The following UNC79 variants were observed in gnomAD, a reference collection of about 807,000 sequenced individuals.
UNC79 encodes the protein unc-79 subunit of NALCN channel complex, also known as protein unc-79 homolog.
UNC79 carries 37 observed loss-of-function variants against 283.1 expected under a neutral mutation model. That is an observed-to-expected ratio of 0.13 (90% CI 0.10 to 0.17). The LOEUF is 0.17. Ranked by LOEUF, UNC79 falls within the 10% of genes least tolerant of loss-of-function variation. UNC79 has a pLI of 1.00. For synonymous variants in UNC79, 1,107 were observed against 1,200.2 expected (o/e 0.92, Z 1.61); for missense variants, 2,272 against 3,211.1 (o/e 0.71, Z 7.07).
chr14:93,588,984 A>C (rs1363844173), intron 22 of UNC79, among the ~76,000 whole-genome samples: 2 of 152,120 alleles, frequency 1.3e-5, no homozygotes, highest in Non-Finnish European at 2.9e-5. Context: ...AAGCCTTAAG[A>C]ATATTAGGTG....
chr14:93,545,315 T>C (rs2061546032), intron 14 of UNC79, among the ~76,000 whole-genome samples: 1 of 152,248 alleles, frequency 6.6e-6, no homozygotes, highest in Non-Finnish European at 1.5e-5. Context: ...GGTCTGATCA[T>C]TTGCACAAGC....
At chr14:93,378,499 T>A (rs992731768) in intron 1 of UNC79, among the ~76,000 whole-genome samples, 6 of 152,164 alleles carry the variant, frequency 3.9e-5, no homozygotes, top group Non-Finnish European at 7.4e-5. Context: ...TTTTTCAGAT[T>A]TTGGAATATC....
chr14:93,343,580 A>C (rs1193414414), intron 1 of UNC79, among the ~76,000 whole-genome samples: 2 of 152,090 alleles, frequency 1.3e-5, no homozygotes, highest in Non-Finnish European at 2.9e-5. Flanking sequence ...TTTTGTTCTG[A>C]AGCCTTTGGT....
At chr14:93,347,750 A>G (rs1453777017) in intron 1 of UNC79, among the ~76,000 whole-genome samples, 1 of 152,062 alleles carries the variant, frequency 6.6e-6, no homozygotes, top group African/African-American at 2.4e-5. Flanking sequence ...GGCACTGCGA[A>G]GATCTAGCGT....
At chr14:93,629,031 T>A (rs1044509327) in intron 30 of UNC79, among the ~76,000 whole-genome samples, 3 of 152,086 alleles carry the variant, frequency 2.0e-5, no homozygotes, top group Non-Finnish European at 4.4e-5. Flanking sequence ...AAACCCCATC[T>A]CTACTAAAAA....
intron 14 of UNC79, among the ~76,000 whole-genome samples, chr14:93,566,076 C>T (rs2062858651): frequency 6.6e-6 from 1 of 152,118 alleles, no homozygotes; most frequent in Non-Finnish European, 1.5e-5. Context: ...GAGGAAAACT[C>T]CCAGTTGCAG....
intron 35 of UNC79, among the ~76,000 whole-genome samples, chr14:93,652,640 C>A (rs79258573): frequency 6.6e-6 from 1 of 152,024 alleles, no homozygotes; most frequent in African/African-American, 2.4e-5. Context: ...GCTTTTTGTC[C>A]GTTATTTCTT....
exon 33 of UNC79, chr14:93,641,232 C>T (rs767976870): frequency 1.6e-5 from 26 of 1,612,676 alleles, no homozygotes; most frequent in South Asian, 2.2e-5. Context: ...GAGCAGCCGA[C>T]GGTGATGACG....
chr14:93,593,693 G>A (rs370246949), exon 23 of UNC79: 9 of 1,610,890 alleles, frequency 5.6e-6, no homozygotes, highest in Admixed American at 1.7e-5. Flanking sequence ...GTGGAGGGTC[G>A]TCAAATCCGA....
exon 17 of UNC79, chr14:93,575,184 C>T: frequency 6.2e-7 from 1 of 1,613,674 alleles, no homozygotes; most frequent in Non-Finnish European, 8.5e-7. Context: ...GGCAGGGAAC[C>T]TTGCATCTCG....
chr14:93,473,210 A>G (rs1288184457), intron 2 of UNC79, among the ~76,000 whole-genome samples: 1 of 152,036 alleles, frequency 6.6e-6, no homozygotes, highest in Non-Finnish European at 1.5e-5. Context: ...ATCTTACTGT[A>G]TGATGTGCAG....
At chr14:93,511,091 C>T (rs1047341363) in intron 7 of UNC79, among the ~76,000 whole-genome samples, 64 of 152,252 alleles carry the variant, frequency 4.2e-4, no homozygotes, top group African/African-American at 1.5e-3. Context: ...CAAGCGGTGG[C>T]AGGAGGGAGA....
At chr14:93,367,545 A>T (rs1041519429) in intron 1 of UNC79, among the ~76,000 whole-genome samples, 2 of 152,258 alleles carry the variant, frequency 1.3e-5, no homozygotes, top group Non-Finnish European at 2.9e-5. Flanking sequence ...TTTCCAAACC[A>T]TTAGAGTAAA....
chr14:93,675,568 A>G (rs897756084), intron 41 of UNC79, among the ~76,000 whole-genome samples: 1 of 152,244 alleles, frequency 6.6e-6, no homozygotes, highest in African/African-American at 2.4e-5. Flanking sequence ...GATGCACAGA[A>G]GTTCAGGAGT....
chr14:93,397,346 T>C (rs2055018996), intron 1 of UNC79: 1 of 152,324 alleles, frequency 6.6e-6, no homozygotes, highest in East Asian at 1.9e-4. Context: ...AGACAACTTA[T>C]CTGAATTTCT....
chr14:93,645,835 G>A (rs572481557), intron 34 of UNC79, among the ~76,000 whole-genome samples: 3 of 152,242 alleles, frequency 2.0e-5, no homozygotes, highest in South Asian at 2.1e-4. Context: ...ACACAACTGG[G>A]AATGGTGTCT....
intron 1 of UNC79, among the ~76,000 whole-genome samples, chr14:93,449,523 C>T (rs1361765535): frequency 6.6e-6 from 1 of 151,750 alleles, no homozygotes; most frequent in African/African-American, 2.4e-5. Context: ...GAAGATGAAG[C>T]CAGAGGATCC....
At chr14:93,534,543 GC>G (rs1305975951) in intron 11 of UNC79, among the ~76,000 whole-genome samples, 2 of 152,132 alleles carry the variant, frequency 1.3e-5, no homozygotes, top group Non-Finnish European at 2.9e-5. Flanking sequence ...GTTTCAGTGT[GC>G]CCTTAAAATT....
At chr14:93,610,813 G>A (rs1376192950) in intron 26 of UNC79, among the ~76,000 whole-genome samples, 2 of 152,002 alleles carry the variant, frequency 1.3e-5, no homozygotes, top group African/African-American at 4.8e-5. Flanking sequence ...GTCTTGTCAT[G>A]TTGCCTAGGC....
Sources: gnomAD v4.1 joint callset for allele counts (sites outside exome capture counted in the v4.1 genomes callset) on GRCh38, gnomAD v4.1.1 for gene constraint, MANE v1.5 for transcripts, NCBI Gene and HGNC (gene_info 2026-07-23, HGNC 2026-07-21) for gene names.